Variants in SLC47A1 observed in about 807,000 individuals in gnomAD.
The protein encoded by SLC47A1 is multidrug and toxin extrusion protein 1.
Under a neutral mutation model 65.8 loss-of-function variants are expected in SLC47A1, and 58 were observed. The ratio of observed to expected loss-of-function variants is 0.88; its 90% confidence interval spans 0.71 to 1.10. The LOEUF (loss-of-function observed/expected upper bound fraction) is 1.10. Ranked by LOEUF, SLC47A1 falls within the 50% of genes least tolerant of loss-of-function variation. The pLI, the probability that SLC47A1 is intolerant of heterozygous loss-of-function variation, is 0.00. For synonymous variants in SLC47A1, 285 were observed against 295.0 expected, an observed-to-expected ratio of 0.97 and a Z score of 0.35; for missense variants, 706 against 719.2, an observed-to-expected ratio of 0.98 and a Z score of 0.21.
chr17:19,548,658 C>T (rs1488474488), intron 4 of SLC47A1, among the ~76,000 whole-genome samples: 2 of 152,100 alleles, frequency 1.3e-5, no homozygotes. Context: ...TACTACCACG[C>T]CTGGCTAATT....
chr17:19,553,392 G>A (rs2152314127), intron 6 of SLC47A1, among the ~76,000 whole-genome samples: 1 of 152,260 alleles, frequency 6.6e-6, no homozygotes, highest in African/African-American at 2.4e-5. Context: ...CGTGGCCTCA[G>A]CCATTTTTGC....
Position 19,571,418 on chromosome 17 carries a change from C to G in SLC47A1, c.1310-60C>G. The G allele has an allele frequency of 2.8e-6, 4 of 1,451,178 alleles. No individual in the cohort carries two copies. In the South Asian group the frequency reaches 4.8e-5, roughly 17 times the overall value. 89.9% of individuals were successfully genotyped at this position (1,451,178 alleles called of 1,614,324 possible). A position where few individuals can be genotyped will look rare whatever the true frequency, so the allele number is the denominator to read the frequency against. On this transcript the variant is annotated intron_variant, in intron 14 of 16. Transcript: ENST00000270570. ...ACAGAAGTGATATAGGCAAAACATA[C>G]TCCCCAGGGGCAGCTGGTTTTCTAT...
intron 16 of SLC47A1, 62 bp from the exon 17 acceptor site, chr17:19,577,265 G>T: frequency 6.3e-7 from 1 of 1,585,672 alleles, no homozygotes. Flanking sequence ...TTTATACATA[G>T]CCCTTTATAA....
In SLC47A1 at chr17:19,577,405, G is replaced by T. The variant is rs757910267; in HGVS notation, c.1565G>T (p.Arg522Leu). The T allele has an allele frequency of 1.2e-6, 2 of 1,614,156 alleles. No homozygotes were observed. Among genetic ancestry groups the T allele is most frequent in the South Asian group, 1.1e-5 (1 of 91,080 alleles). ...TGEPQSDQQM[R>L]QEEPLPEHPQ... ...GAGCCTCAGTCAGATCAGCAGATGC[G>T]CCAAGAAGAACCTTTGCCGGAACAT... is the stretch of plus-strand genomic sequence containing the variant. Residue 522 changes from arginine to leucine, a missense_variant, in exon 17 of 17, where the codon CGC becomes CTC. By Grantham distance (102) the Arg-to-Leu change is moderately radical. Transcript: ENST00000270570.
At chr17:19,558,093 C>T (rs944854624) in intron 10 of SLC47A1, among the ~76,000 whole-genome samples, 6 of 152,154 alleles carry the variant, frequency 3.9e-5, no homozygotes, top group South Asian at 2.1e-4. Flanking sequence ...CTACACAGTC[C>T]ATGTTCAAAT....
chr17:19,547,856 G>C (rs757565306), intron 3 of SLC47A1, 129 bp from the exon 4 acceptor site: 28 of 949,486 alleles, frequency 2.9e-5, no homozygotes, highest in Non-Finnish European at 4.0e-5. Flanking sequence ...CTGAGTAGCT[G>C]GGATTACAGG....
chr17:19,544,351 A>G (rs922124408), intron 2 of SLC47A1, among the ~76,000 whole-genome samples: 17 of 152,238 alleles, frequency 1.1e-4, no homozygotes, highest in African/African-American at 3.9e-4. Flanking sequence ...ACAGAAATGC[A>G]CTTAGCAAGC....
chr17:19,547,832 C>T (rs573455461), intron 3 of SLC47A1, among the ~76,000 whole-genome samples, 153 bp from the exon 4 acceptor site: 1 of 149,780 alleles, frequency 6.7e-6, no homozygotes. Context: ...AAGCGATTCT[C>T]CTGCCTCAGC....
rs911091263 is a variant in SLC47A1, at chr17:19,560,446, G to A, written c.1059G>A (p.Leu353=). 1 of 1,614,154 alleles carries A rather than the reference G, an allele frequency of 6.2e-7. No homozygotes were observed. Residue 353 remains leucine, a synonymous_variant, in exon 12 of 17, where the codon CTG becomes CTA. Coordinates refer to ENST00000270570, the MANE Select transcript of SLC47A1 (RefSeq NM_018242.3). ...TVLFAVAFSV[L]LLSCKDHVGY... is the part of the protein sequence containing the mutation. ...TCTTTGCTGTAGCCTTCAGTGTCCT[G>A]CTGTTAAGCTGTAAGGATCACGTGG...
At chr17:19,562,083 G>A (rs2084315920) in intron 12 of SLC47A1, among the ~76,000 whole-genome samples, 1 of 152,128 alleles carries the variant, frequency 6.6e-6, no homozygotes, top group Non-Finnish European at 1.5e-5. Context: ...GAAACTTCGT[G>A]GGGGTACTTC....
In SLC47A1 at chr17:19,572,707, T is replaced by C. The variant is rs2084409790; in HGVS notation, c.1405-73T>C. Reference sequence around the variant, plus strand: ...TTAAGGAAAATGGCTTGGCTCTTCCTAAACTAGGTGGTCAAGTAAAATACC... The same window carrying C: ...TTAAGGAAAATGGCTTGGCTCTTCCCAAACTAGGTGGTCAAGTAAAATACC... On this transcript the variant is annotated intron_variant, in intron 15 of 16. Transcript: ENST00000270570. The C allele has an allele frequency of 2.1e-6, 3 of 1,426,786 alleles. No homozygotes were observed. The East Asian group carries it at 6.8e-5, about 32-fold the overall frequency. 88.4% of individuals were successfully genotyped at this position (1,426,786 alleles called of 1,614,324 possible).
intron 14 of SLC47A1, 93 bp downstream of exon 14, chr17:19,567,321 T>A: frequency 6.4e-7 from 1 of 1,565,092 alleles, no homozygotes; most frequent in Non-Finnish European, 8.7e-7. Context: ...GGCTCACCTC[T>A]GAAACTCGGG....
intron 12 of SLC47A1, among the ~76,000 whole-genome samples, chr17:19,561,433 G>A (rs1005356741): frequency 2.0e-5 from 3 of 152,016 alleles, no homozygotes; most frequent in East Asian, 1.9e-4. Flanking sequence ...CACAAGGTCA[G>A]GAGATCAAGA....
chr17:19,567,326 C>G lies in SLC47A1; in HGVS notation c.1309+98C>G, dbSNP rs2289667. 8,875 of 1,537,008 alleles carry G rather than the reference C, an allele frequency of 5.8e-3. 376 individuals are homozygous for G. The Admixed American group carries it at 0.079, about 14-fold the overall frequency. The stretch of plus-strand genomic sequence containing the variant: ...CTTTGACTGAGGCTCACCTCTGAAA[C>G]TCGGGAGCTCGCCCACGTCCATTCT... On this transcript the variant is annotated intron_variant, in intron 14 of 16. Transcript: ENST00000270570.
At chr17:19,563,355 A>C (rs1022563909) in intron 12 of SLC47A1, among the ~76,000 whole-genome samples, 8 of 151,708 alleles carry the variant, frequency 5.3e-5, no homozygotes, top group Admixed American at 3.9e-4. Flanking sequence ...GATGGTCTCG[A>C]TCTCCTGACC....
intron 12 of SLC47A1, chr17:19,564,672 T>C (rs1285132203): frequency 6.6e-6 from 1 of 152,228 alleles, no homozygotes; most frequent in Non-Finnish European, 1.5e-5. Context: ...TATATTTCTG[T>C]CCTTTTTGGT....
Position 19,534,020 on chromosome 17 carries a change from G to T in SLC47A1, c.81G>T (p.Arg27=). The change falls in exon 1 of 17, where the codon CGG becomes CGT. Residue 27 remains arginine (R), a synonymous_variant. Transcript: ENST00000270570. ...TLEVRGSRCL[R]LSAFREELRA... ...AGGTCCGTGGGTCGCGCTGCTTGCG[G>T]CTGTCCGCCTTCCGAGAAGAGCTGC... The T allele has an allele frequency of 6.5e-7, 1 of 1,546,470 alleles. No individual in the cohort carries two copies. Among genetic ancestry groups the T allele is most frequent in the Admixed American group, 2.0e-5 (1 of 51,032 alleles).
At chr17:19,544,019 C>A (rs1330970505) in intron 2 of SLC47A1, among the ~76,000 whole-genome samples, 3 of 152,078 alleles carry the variant, frequency 2.0e-5, no homozygotes, top group Admixed American at 1.3e-4. Context: ...GCAGTGGTGC[C>A]ATCTTGGCTC....
chr17:19,560,310 T>C lies in SLC47A1; in HGVS notation c.1030+14T>C. The C allele has an allele frequency of 6.2e-7, 1 of 1,610,322 alleles. No homozygotes were observed. The highest frequency in any genetic ancestry group is 8.5e-7 in the Non-Finnish European group (1 of 1,176,762). On this transcript the variant is annotated intron_variant, in intron 11 of 16. Transcript: ENST00000270570. The stretch of plus-strand genomic sequence containing the variant: ...TGCTGATTACAGGTGCTGAGACCCC[T>C]TTACCCGAGGCTCTTGGTGCAGTCT...
Sources: allele counts gnomAD v4.1 joint callset (sites outside exome capture counted in the v4.1 genomes callset), GRCh38; gene constraint gnomAD v4.1.1; transcripts MANE v1.5; gene names NCBI Gene and HGNC (gene_info 2026-07-23, HGNC 2026-07-21).